The following ZCCHC7 variants were observed in gnomAD, a reference collection of about 807,000 sequenced individuals.
ZCCHC7 encodes zinc finger CCHC-type containing 7.
ZCCHC7 carries 35 observed loss-of-function variants against 52.0 expected under a neutral mutation model. The observed-to-expected ratio is 0.67, with a 90% CI of 0.51 to 0.89. ZCCHC7 has a LOEUF of 0.89. Ranked by LOEUF, ZCCHC7 falls within the 40% of genes least tolerant of loss-of-function variation. ZCCHC7 has a pLI of 0.00. For missense variants in ZCCHC7, 574 were observed against 649.1 expected (o/e 0.88, Z 1.26); for synonymous variants, 217 against 221.5 (o/e 0.98, Z 0.18).
chr9:37,120,780 C>T (rs1186239668), intron 1 of ZCCHC7, 157 bp downstream of exon 1: 3 of 331,218 alleles, frequency 9.1e-6, no homozygotes, highest in Non-Finnish European at 1.6e-5. Flanking sequence ...GCTCCTGGTC[C>T]GTCACCTGCG....
At chr9:37,242,257 G>A (rs1825903380) in intron 2 of ZCCHC7, among the ~76,000 whole-genome samples, 1 of 151,778 alleles carries the variant, frequency 6.6e-6, no homozygotes, top group African/African-American at 2.4e-5. Flanking sequence ...CCAAACTAAT[G>A]TCAGATTCTT....
chr9:37,195,174 T>G (rs939325036), intron 2 of ZCCHC7, among the ~76,000 whole-genome samples: 4 of 152,104 alleles, frequency 2.6e-5, no homozygotes, highest in African/African-American at 4.8e-5. Flanking sequence ...CTTGAACTCC[T>G]GACCTCAGGA....
chr9:37,273,131 A>C (rs1035781517), intron 2 of ZCCHC7, among the ~76,000 whole-genome samples: 2 of 152,216 alleles, frequency 1.3e-5, no homozygotes, highest in Non-Finnish European at 2.9e-5. Flanking sequence ...TTTTCGGCCC[A>C]TAATGGTAGA....
At chr9:37,304,641 G>A (rs1196475459) in intron 4 of ZCCHC7, among the ~76,000 whole-genome samples, 2 of 148,872 alleles carry the variant, frequency 1.3e-5, no homozygotes, top group East Asian at 3.9e-4. Flanking sequence ...GGGTGACAAA[G>A]TGAAACTCTG....
Position 37,126,481 on chromosome 9 carries a change from G to A in ZCCHC7, c.149G>A (p.Arg50Lys). The part of the protein sequence containing the change: ...HYAQDLDDVI[R>K]EEEHEEKNSG... ...GCCCAAGATCTTGATGATGTCATCA[G>A]GGAGGAAGAGCATGAAGAAAAGAAC... is the stretch of plus-strand genomic sequence containing the variant. Residue 50 changes from arginine to lysine, a missense_variant, in exon 2 of 9, where the codon AGG (arginine) becomes AAG (lysine). Physicochemically the swap from Arg to Lys is conservative, Grantham distance 26. Coordinates refer to ENST00000336755, the MANE Select transcript of ZCCHC7 (RefSeq NM_032226.3). 1 of 1,613,692 alleles carries A rather than the reference G, an allele frequency of 6.2e-7. No individual in the cohort carries two copies. The highest frequency in any genetic ancestry group is 8.5e-7 in the Non-Finnish European group (1 of 1,180,020).
chr9:37,164,765 T>C (rs1274510840), intron 2 of ZCCHC7, among the ~76,000 whole-genome samples: 1 of 152,128 alleles, frequency 6.6e-6, no homozygotes, highest in African/African-American at 2.4e-5. Context: ...ATTTATTCAC[T>C]CTGTGGTCCA....
intron 2 of ZCCHC7, among the ~76,000 whole-genome samples, chr9:37,129,011 T>G (rs553119289): frequency 7.2e-5 from 11 of 152,250 alleles, no homozygotes; most frequent in Non-Finnish European, 1.5e-4. Flanking sequence ...TTAACCATTT[T>G]GTTGATTTCA....
intron 1 of ZCCHC7, 47 bp from the exon 2 acceptor site, chr9:37,126,265 A>C (rs1027785933): frequency 2.0e-6 from 3 of 1,516,228 alleles, no homozygotes; most frequent in Non-Finnish European, 2.7e-6. Context: ...AACTGGCATG[A>C]TCTGAACTTT....
chr9:37,227,074 ATATTTTAATAT>A (rs972818738), intron 2 of ZCCHC7, among the ~76,000 whole-genome samples: 4 of 151,908 alleles, frequency 2.6e-5, no homozygotes, highest in Non-Finnish European at 5.9e-5. Flanking sequence ...CTTGGGTTAT[ATATTTTAATAT>A]TTGATACAAA....
rs559544474 is a variant in ZCCHC7, at chr9:37,206,804, T to A, written c.610+79862T>A. ...TCCCTTACAAGGTGGCCAGGAAACC[T>A]TCTCAATGTAAGATTCAACTTACCT... On this transcript the variant is annotated intron_variant, in intron 2 of 8. Coordinates refer to ENST00000336755, the MANE Select transcript of ZCCHC7 (RefSeq NM_032226.3). Among the ~76,000 whole-genome samples the A allele has an allele frequency of 3.3e-5, 5 of 152,272 alleles. No individual in the cohort carries two copies. In the South Asian group the frequency reaches 1.0e-3, roughly 32 times the overall value.
intron 2 of ZCCHC7, among the ~76,000 whole-genome samples, chr9:37,235,700 C>G (rs1271358387): frequency 4.6e-5 from 7 of 151,740 alleles, no homozygotes; most frequent in African/African-American, 1.7e-4. Context: ...GGCAATTCTC[C>G]TGCCTCAGCC....
intron 2 of ZCCHC7, among the ~76,000 whole-genome samples, chr9:37,228,153 A>G (rs1450002135): frequency 6.6e-6 from 1 of 152,154 alleles, no homozygotes; most frequent in Admixed American, 6.6e-5. Context: ...GTACTGTATT[A>G]ATCTTTTCCT....
intron 4 of ZCCHC7, among the ~76,000 whole-genome samples, chr9:37,304,767 A>T (rs1472382092): frequency 6.6e-6 from 1 of 152,208 alleles, no homozygotes; most frequent in Non-Finnish European, 1.5e-5. Flanking sequence ...CGGAGAAATA[A>T]TAATAAATTT....
intron 2 of ZCCHC7, among the ~76,000 whole-genome samples, chr9:37,148,369 C>G (rs1406539611): frequency 6.6e-6 from 1 of 151,958 alleles, no homozygotes; most frequent in African/African-American, 2.4e-5. Context: ...AGGAAAGATA[C>G]TGCTTTCATG....
intron 2 of ZCCHC7, among the ~76,000 whole-genome samples, chr9:37,289,086 A>T (rs1041943498): frequency 1.3e-5 from 2 of 151,926 alleles, no homozygotes; most frequent in Non-Finnish European, 2.9e-5. Context: ...TAGTTGCAGT[A>T]ATTATCATTT....
intron 2 of ZCCHC7, among the ~76,000 whole-genome samples, chr9:37,269,755 A>G (rs1325133999): frequency 6.6e-6 from 1 of 152,064 alleles, no homozygotes; most frequent in Non-Finnish European, 1.5e-5. Flanking sequence ...AAATCAACAG[A>G]ACTTGGTATG....
chr9:37,218,039 A>G (rs1272154898), intron 2 of ZCCHC7, among the ~76,000 whole-genome samples: 2 of 152,152 alleles, frequency 1.3e-5, no homozygotes, highest in Non-Finnish European at 1.5e-5. Context: ...CTGGACTCTG[A>G]TATTAAAATT....
intron 2 of ZCCHC7, among the ~76,000 whole-genome samples, chr9:37,267,320 T>G (rs150361792): frequency 6.6e-6 from 1 of 152,164 alleles, no homozygotes; most frequent in African/African-American, 2.4e-5. Context: ...TAGCATTCCC[T>G]CTTGCTGAAA....
intron 5 of ZCCHC7, among the ~76,000 whole-genome samples, chr9:37,307,584 G>A (rs1829387803): frequency 6.6e-6 from 1 of 151,990 alleles, no homozygotes; most frequent in African/African-American, 2.4e-5. Flanking sequence ...TGATACGAAA[G>A]CAGAAATATT....
Sources: gnomAD v4.1 joint callset for allele counts (sites outside exome capture counted in the v4.1 genomes callset) on GRCh38, gnomAD v4.1.1 for gene constraint, MANE v1.5 for transcripts, NCBI Gene and HGNC (gene_info 2026-07-23, HGNC 2026-07-21) for gene names.